The following ATM variants were observed in gnomAD, a reference collection of about 807,000 sequenced individuals.
The protein encoded by ATM is ATM serine/threonine kinase.
A neutral mutation model predicts 387.0 loss-of-function variants in ATM; 308 were observed. The ratio of observed to expected loss-of-function variants is 0.80; its 90% CI spans 0.73 to 0.87. ATM has a LOEUF of 0.87. Ranked by LOEUF, ATM falls within the 40% of genes least tolerant of loss-of-function variation. The pLI is 0.00. For missense variants in ATM, 3,312 were observed against 3,560.9 expected (o/e 0.93, Z 1.78); for synonymous variants, 1,156 against 1,187.3 (o/e 0.97, Z 0.54).
intron 5 of ATM, 72 bp from the exon 6 acceptor site, chr11:108,243,881 A>T (rs2135219605): frequency 7.5e-7 from 1 of 1,335,506 alleles, no homozygotes; most frequent in Admixed American, 2.3e-5. Flanking sequence ...GGAATATTTA[A>T]GTTAAATTGT....
intron 56 of ATM, among the ~76,000 whole-genome samples, chr11:108,337,002 C>CT (rs2086928826): frequency 6.6e-6 from 1 of 152,168 alleles, no homozygotes; most frequent in African/African-American, 2.4e-5. Context: ...GTGACATGTG[C>CT]TTTTTTATAT....
At chr11:108,327,560 C>A in intron 47 of ATM, 85 bp from the exon 48 acceptor site, 1 of 1,124,648 alleles carries the variant, frequency 8.9e-7, no homozygotes, top group Non-Finnish European at 1.3e-6. Context: ...ACATTTTTAA[C>A]CTGCTTTTTT....
intron 61 of ATM, among the ~76,000 whole-genome samples, chr11:108,358,114 C>G (rs1469479180): frequency 6.6e-6 from 1 of 151,164 alleles, no homozygotes; most frequent in African/African-American, 2.4e-5. Context: ...GCTGATGGAG[C>G]TGAAAATCAA....
intron 61 of ATM, among the ~76,000 whole-genome samples, chr11:108,356,336 G>A (rs943456228): frequency 6.9e-4 from 105 of 152,234 alleles, no homozygotes; most frequent in Non-Finnish European, 1.9e-4. Context: ...AGGAGTTCAA[G>A]ACCAGTTTGG....
chr11:108,327,620 T>G (rs1416794124), intron 47 of ATM, 25 bp from the exon 48 acceptor site: 1 of 1,573,706 alleles, frequency 6.4e-7, no homozygotes, highest in Non-Finnish European at 8.7e-7. Context: ...GCATTATATT[T>G]TAAGATTTTG....
Position 108,268,311 on chromosome 11 carries a change from T to C in ATM, c.2639-99T>C, listed in dbSNP as rs965154904. On this transcript the variant is annotated intron_variant, in intron 17 of 62. Transcript: ENST00000675843. ...AATTTCACTATAATTTTGCTTTTCATATACTTTTTTTTGTGAAGAGGAGGA... is the reference window on the plus strand; with the variant it reads ...AATTTCACTATAATTTTGCTTTTCACATACTTTTTTTTGTGAAGAGGAGGA... The C allele has an allele frequency of 4.3e-6, 5 of 1,154,010 alleles. No individual in the cohort carries two copies. The South Asian group carries it at 6.6e-5, about 15-fold the overall frequency. 71.5% of individuals were successfully genotyped at this position (1,154,010 alleles called of 1,614,324 possible).
chr11:108,313,860 G>A (rs1019419639), intron 40 of ATM, among the ~76,000 whole-genome samples: 1 of 152,202 alleles, frequency 6.6e-6, no homozygotes, highest in Non-Finnish European at 1.5e-5. Flanking sequence ...ATGCAGTATA[G>A]TTCCTAGTTT....
chr11:108,245,367 G>A (rs1026785257), intron 7 of ATM, among the ~76,000 whole-genome samples: 15 of 152,114 alleles, frequency 9.9e-5, no homozygotes, highest in African/African-American at 2.7e-4. Context: ...AAAGAAAGCA[G>A]GATCTTGTTT....
Position 108,281,151 on chromosome 11 carries a change from C to T in ATM, c.3559C>T (p.Pro1187Ser), listed in dbSNP as rs2082213794. ...CKSVKENGLEPHLVKKVLEKV... is the reference protein window; with the variant it reads ...CKSVKENGLESHLVKKVLEKV... Reference sequence around the variant, plus strand: ...ATCTGTGAAAGAGAATGGATTAGAACCTCACCTTGTGAAAAAGGTATATAT... The same window carrying T: ...ATCTGTGAAAGAGAATGGATTAGAATCTCACCTTGTGAAAAAGGTATATAT... Residue 1187 changes from proline (P) to serine (S), a missense_variant, in exon 24 of 63, where the codon CCT (proline) becomes TCT (serine). Pro to Ser is a moderately conservative substitution (Grantham distance 74). This residue lies in a region of ATM where 1,791 missense variants were observed against 1,804.5 expected (regional missense o/e 0.99). Transcript: ENST00000675843. The T allele has an allele frequency of 1.9e-6, 3 of 1,613,816 alleles. No individual in the cohort carries two copies. The highest frequency in any genetic ancestry group is 3.3e-4 in the Middle Eastern group (2 of 6,058).
intron 59 of ATM, among the ~76,000 whole-genome samples, chr11:108,353,146 A>G (rs138682334): frequency 6.6e-6 from 1 of 152,050 alleles, no homozygotes; most frequent in East Asian, 1.9e-4. Flanking sequence ...ATCTCATAAA[A>G]TGTCATTAAT....
At chr11:108,300,553 T>C (rs1013547662) in intron 34 of ATM, among the ~76,000 whole-genome samples, 5 of 152,228 alleles carry the variant, frequency 3.3e-5, no homozygotes, top group Non-Finnish European at 5.9e-5. Flanking sequence ...ATACGTGTTT[T>C]GATTTTTTTC....
intron 40 of ATM, among the ~76,000 whole-genome samples, chr11:108,315,408 T>C (rs1020106623): frequency 6.6e-6 from 1 of 152,252 alleles, no homozygotes; most frequent in African/African-American, 2.4e-5. Context: ...AATAGATTTG[T>C]GTATATTTTA....
chr11:108,260,200 A>G (rs1204162207), intron 16 of ATM, among the ~76,000 whole-genome samples: 2 of 151,848 alleles, frequency 1.3e-5, no homozygotes, highest in Admixed American at 6.6e-5. Context: ...ACAACCGGCT[A>G]ATTTTTGTAT....
In ATM at chr11:108,289,714, T is replaced by C. The variant is rs750306932; in HGVS notation, c.4349T>C (p.Leu1450Pro). ...KIYHLFVSLLLKDIKSGLGGA... is the reference protein window; with the variant it reads ...KIYHLFVSLLPKDIKSGLGGA... ...TATCACCTGTTTGTTAGTTTATTAC[T>C]GAAAGATATAAAAAGTGGCTTAGGA... Residue 1450 changes from leucine (L) to proline (P), a missense_variant, in exon 29 of 63, where the codon CTG becomes CCG. Physicochemically the swap from Leu to Pro is moderately conservative, Grantham distance 98 (BLOSUM62 -3). This residue lies in a region of ATM where 1,791 missense variants were observed against 1,804.5 expected (regional missense o/e 0.99). Transcript: ENST00000675843. The C allele has an allele frequency of 1.2e-6, 2 of 1,613,806 alleles. No homozygotes were observed. Among genetic ancestry groups the C allele is most frequent in the Middle Eastern group, 3.4e-4 (2 of 5,848 alleles).
intron 34 of ATM, among the ~76,000 whole-genome samples, chr11:108,300,162 C>A (rs2083352441): frequency 6.6e-6 from 1 of 152,104 alleles, no homozygotes; most frequent in Non-Finnish European, 1.5e-5. Flanking sequence ...CCAGATGGTT[C>A]TACACAGAAA....
intron 45 of ATM, among the ~76,000 whole-genome samples, chr11:108,322,071 C>A (rs1277075438): frequency 6.6e-6 from 1 of 152,168 alleles, no homozygotes; most frequent in Non-Finnish European, 1.5e-5. Flanking sequence ...CTCTGCCTTG[C>A]TAAACTAGAA....
chr11:108,267,105 A>G, intron 16 of ATM, 66 bp from the exon 17 acceptor site: 1 of 1,532,842 alleles, frequency 6.5e-7, no homozygotes, highest in African/African-American at 1.4e-5. Flanking sequence ...CTGATTAGGT[A>G]AATTTTGACT....
rs145236132 is a variant in ATM, at chr11:108,293,432, T to C, written c.4731T>C (p.Thr1577=). 3.3e-5 allele frequency: 53 copies of C among 1,612,802 alleles called. No individual in the cohort carries two copies. The highest frequency in any genetic ancestry group is 4.3e-5 in the Non-Finnish European group (51 of 1,179,214). ...TTGTTTTTAAGGATTTGCGTATTAC[T>C]CAGCAAAAAATCAAATACAGTAGAG... is the stretch of plus-strand genomic sequence containing the variant. ...DHVVFKDLRI[T]QQKIKYSRGP... The change falls in exon 31 of 63, where the codon ACT becomes ACC. Residue 1577 remains threonine (T), a synonymous_variant. Transcript: ENST00000675843.
chr11:108,224,563 A>C (rs2078647868), intron 1 of ATM: 1 of 152,224 alleles, frequency 6.6e-6, no homozygotes, highest in Non-Finnish European at 1.5e-5. Context: ...GCCTTCTTTC[A>C]GTTCCGCCAA....
Sources: allele counts gnomAD v4.1 joint callset (sites outside exome capture counted in the v4.1 genomes callset), GRCh38; gene constraint gnomAD v4.1.1; regional missense constraint gnomAD v4.1.1; transcripts MANE v1.5; gene names NCBI Gene and HGNC (gene_info 2026-07-23, HGNC 2026-07-21).